The following UNC80 variants were observed in gnomAD, a reference collection of about 807,000 sequenced individuals.
The protein encoded by UNC80 is protein unc-80 homolog.
A neutral mutation model predicts 384.6 loss-of-function variants in UNC80; 164 were observed. The observed-to-expected ratio is 0.43, with a 90% CI of 0.38 to 0.49. The LOEUF (loss-of-function observed/expected upper bound fraction) is 0.49. UNC80 is among the 20% of genes least tolerant of loss of function. The pLI, the probability that UNC80 is intolerant of heterozygous loss-of-function variation, is 0.00. For missense variants in UNC80, 3,330 were observed against 4,143.0 expected (o/e 0.80, Z 5.39); for synonymous variants, 1,486 against 1,527.8 (o/e 0.97, Z 0.64).
In UNC80 at chr2:209,772,048, A is replaced by G; in HGVS notation, c.-25A>G. ...GCGAGGAGACAGAGCTGGGTCCTGCAGTAGGACTCCCGGGAGCCACCATTA... is the reference window on the plus strand; with the variant it reads ...GCGAGGAGACAGAGCTGGGTCCTGCGGTAGGACTCCCGGGAGCCACCATTA... On this transcript the variant is annotated 5_prime_UTR_variant, in exon 1 of 65. Transcript: ENST00000673920. The G allele has an allele frequency of 6.5e-7, 1 of 1,527,956 alleles. No individual in the cohort carries two copies. Among genetic ancestry groups the G allele is most frequent in the Non-Finnish European group, 8.9e-7 (1 of 1,127,144 alleles). The allele number at this position is 1,527,956 out of a possible 1,614,324, so 94.6% of individuals were successfully genotyped here.
chr2:209,929,978 T>G lies in UNC80; in HGVS notation c.5907+7T>G. The G allele has an allele frequency of 6.6e-7, 1 of 1,521,164 alleles. No homozygotes were observed. The highest frequency in any genetic ancestry group is 8.8e-7 in the Non-Finnish European group (1 of 1,134,484). The allele number at this position is 1,521,164 out of a possible 1,614,324, so 94.2% of individuals were successfully genotyped here. On this transcript the variant is annotated splice_region_variant and intron_variant, in intron 37 of 64. Coordinates refer to ENST00000673920, the MANE Select transcript of UNC80 (RefSeq NM_001371986.1). ...GACCATCAGCAATAGACAAGTAAATTCCTCTTCCTTTTTAGTGTAGCTCTG... is the reference window on the plus strand; with the variant it reads ...GACCATCAGCAATAGACAAGTAAATGCCTCTTCCTTTTTAGTGTAGCTCTG...
intron 22 of UNC80, 149 bp downstream of exon 22, chr2:209,849,772 A>C (rs2082394586): frequency 1.2e-6 from 1 of 840,274 alleles, no homozygotes; most frequent in African/African-American, 1.7e-5. Context: ...AAAGATGGTG[A>C]AAAAGGGAGA....
At chr2:209,969,934 A>T (rs1373812274) in intron 53 of UNC80, 43 bp downstream of exon 53, 1 of 1,547,762 alleles carries the variant, frequency 6.5e-7, no homozygotes, top group East Asian at 2.4e-5. Context: ...TGCACAATGT[A>T]ACTCTGCTAT....
At chr2:209,965,585 T>A (rs964961619) in intron 51 of UNC80, among the ~76,000 whole-genome samples, 2 of 151,822 alleles carry the variant, frequency 1.3e-5, no homozygotes, top group African/African-American at 4.8e-5. Flanking sequence ...CACGCCCAGC[T>A]AATTTTTTTG....
chr2:209,953,546 C>T (rs1447672029), intron 47 of UNC80, among the ~76,000 whole-genome samples: 1 of 151,980 alleles, frequency 6.6e-6, no homozygotes, highest in African/African-American at 2.4e-5. Context: ...TTTCTGGCAC[C>T]CCAATACTAA....
At chr2:209,865,967 A>G (rs2083722078) in intron 22 of UNC80, among the ~76,000 whole-genome samples, 1 of 152,210 alleles carries the variant, frequency 6.6e-6, no homozygotes, top group African/African-American at 2.4e-5. Context: ...GGCTTAATTG[A>G]CAATCCTTTA....
chr2:209,867,498 A>G (rs750181717), intron 22 of UNC80, among the ~76,000 whole-genome samples: 1 of 152,118 alleles, frequency 6.6e-6, no homozygotes, highest in Non-Finnish European at 1.5e-5. Context: ...CTCGTAAAAG[A>G]CTTTTTCCTT....
intron 8 of UNC80, among the ~76,000 whole-genome samples, chr2:209,814,641 T>C (rs753869442): frequency 3.3e-5 from 5 of 152,230 alleles, no homozygotes; most frequent in Non-Finnish European, 5.9e-5. Flanking sequence ...ACTGAATGTG[T>C]ACTGATATGG....
intron 35 of UNC80, 41 bp from the exon 36 acceptor site, chr2:209,926,802 C>A: frequency 6.5e-7 from 1 of 1,548,780 alleles, no homozygotes. Context: ...CAAAGAATTA[C>A]GTTACTGAGA....
chr2:209,904,640 A>G (rs1204307883), intron 28 of UNC80, 125 bp from the exon 29 acceptor site: 1 of 801,682 alleles, frequency 1.2e-6, no homozygotes, highest in Non-Finnish European at 2.0e-6. Flanking sequence ...TTATTGGACC[A>G]TTGCGATTTC....
rs1030525714 is a variant in UNC80 at position 209,994,099 on chromosome 2, T to C, written c.9543T>C (p.Ala3181=). ...AACGATCTGTGACCTTCATTGAGGC[T>C]CAGCCAGAGCCAGCAGCTGCCCCAA... ...DQKRSVTFIE[A]QPEPAAAPTD... is the part of the protein sequence containing the mutation. Residue 3181 remains alanine (A), a synonymous_variant, in exon 64 of 65, where the codon GCT becomes GCC. Transcript: ENST00000673920. The C allele has an allele frequency of 1.9e-6, 3 of 1,551,442 alleles. No individual in the cohort carries two copies. The highest frequency in any genetic ancestry group is 2.6e-6 in the Non-Finnish European group (3 of 1,146,908).
intron 17 of UNC80, 95 bp downstream of exon 17, chr2:209,834,263 C>T (rs2081194247): frequency 3.0e-6 from 4 of 1,344,524 alleles, no homozygotes; most frequent in Non-Finnish European, 4.1e-6. Context: ...GCTGAAATGT[C>T]AGCATAGGAA....
intron 61 of UNC80, among the ~76,000 whole-genome samples, chr2:209,985,915 A>G (rs544784931): frequency 1.3e-5 from 2 of 152,222 alleles, no homozygotes; most frequent in African/African-American, 2.4e-5. Context: ...TTCTTTTGCA[A>G]TTGAAAATGG....
chr2:209,809,737 T>C (rs2079195861), intron 7 of UNC80, among the ~76,000 whole-genome samples: 1 of 152,182 alleles, frequency 6.6e-6, no homozygotes, highest in Non-Finnish European at 1.5e-5. Context: ...GCACGGGACT[T>C]TGATGAAAAC....
chr2:209,824,342 T>G (rs1460614828), intron 13 of UNC80, among the ~76,000 whole-genome samples: 3 of 152,104 alleles, frequency 2.0e-5, no homozygotes, highest in Non-Finnish European at 4.4e-5. Context: ...AGCATTAACC[T>G]CTGTTAGGTA....
At chr2:209,797,787 G>A (rs1159391416) in intron 7 of UNC80, among the ~76,000 whole-genome samples, 4 of 152,154 alleles carry the variant, frequency 2.6e-5, no homozygotes, top group Non-Finnish European at 4.4e-5. Context: ...CAGTGTAAAA[G>A]CATTCCTATT....
At chr2:209,823,525 C>T (rs1003872738) in intron 13 of UNC80, among the ~76,000 whole-genome samples, 2 of 152,040 alleles carry the variant, frequency 1.3e-5, no homozygotes, top group African/African-American at 4.8e-5. Context: ...GAACCACTCA[C>T]CAAAGGATTA....
chr2:209,831,313 A>T lies in UNC80; in HGVS notation c.2627-130A>T, dbSNP rs986845403. On this transcript the variant is annotated intron_variant, in intron 15 of 64. Transcript: ENST00000673920. ...GCCTAGAGATTATTAAACCTGGGGC[A>T]TCTTTAATTCCTTGTTTCTGTATTT... is the stretch of plus-strand genomic sequence containing the variant. 8.6e-6 allele frequency: 8 copies of T among 930,068 alleles called. No homozygotes were observed. In the Admixed American group the frequency reaches 2.8e-4, roughly 32 times the overall value. The allele number at this position is 930,068 out of a possible 1,614,324, so 57.6% of individuals were successfully genotyped here. A position where few individuals can be genotyped will look rare whatever the true frequency, so the allele number is the denominator to read the frequency against.
intron 47 of UNC80, among the ~76,000 whole-genome samples, chr2:209,948,323 C>T (rs543239265): frequency 3.9e-5 from 6 of 152,208 alleles, no homozygotes; most frequent in Non-Finnish European, 5.9e-5. Flanking sequence ...ACCCTATGGC[C>T]TCATCAACAC....
Sources: gnomAD v4.1 joint callset for allele counts (sites outside exome capture counted in the v4.1 genomes callset) on GRCh38, gnomAD v4.1.1 for gene constraint, MANE v1.5 for transcripts, NCBI Gene and HGNC (gene_info 2026-07-23, HGNC 2026-07-21) for gene names.